PRKN: variants seen among roughly 807,000 people sequenced by gnomAD.
PRKN encodes the protein parkin RBR E3 ubiquitin protein ligase.
Under a neutral mutation model 59.5 loss-of-function variants are expected in PRKN, and 56 were observed. The ratio of observed to expected loss-of-function variants is 0.94; its 90% CI spans 0.76 to 1.18. The LOEUF (loss-of-function observed/expected upper bound fraction) is 1.18, where lower values mean the gene tolerates loss of function less well. Among genes scored for constraint, PRKN ranks in the 50% most tolerant of loss-of-function variants. PRKN has a pLI of 0.00. For synonymous variants in PRKN, 250 were observed against 222.1 expected, an observed-to-expected ratio of 1.13 and a Z score of -1.12; for missense variants, 657 against 596.4, an observed-to-expected ratio of 1.10 and a Z score of -1.06.
At position 161,484,093 on chromosome 6, in the gene PRKN, G is replaced by A. The variant is rs1791539902; in HGVS notation, c.1083+64761C>T. On this transcript the variant is annotated intron_variant, in intron 9 of 11. Coordinates refer to ENST00000366898, the MANE Select transcript of PRKN (RefSeq NM_004562.3). This position sits in a 1 kb window ranked among gnomAD's most constrained non-coding sequence, Gnocchi z 4.9. The stretch of plus-strand genomic sequence containing the variant: ...TGCTGGGCTTAATACCTAGGTGATG[G>A]GTTGATCTGTGCAGCAAAACACCAT... Among the ~76,000 whole-genome samples the A allele has an allele frequency of 6.6e-6, 1 of 152,008 alleles. No homozygotes were observed. The highest frequency in any genetic ancestry group is 6.6e-5 in the Admixed American group (1 of 15,246).
intron 2 of PRKN, among the ~76,000 whole-genome samples, chr6:162,419,254 C>G (rs1788827099): frequency 6.6e-6 from 1 of 152,038 alleles, no homozygotes; most frequent in East Asian, 1.9e-4. Flanking sequence ...GATTTCCCAT[C>G]CAGGGACAGG....
rs1423312348 is a variant in PRKN at position 161,655,866 on chromosome 6, GCACACACACACACACACATACA to G, written c.872-86472_872-86451del. On this transcript the variant is annotated intron_variant, in intron 7 of 11. Coordinates refer to ENST00000366898, the MANE Select transcript of PRKN (RefSeq NM_004562.3). ...ACCACACAGGCATATCAACACACAT[GCACACACACACACACACATACA>G]CACACACACACACACACACACACAC... Among the ~76,000 whole-genome samples the G allele has an allele frequency of 3.0e-3, 416 of 136,496 alleles. 2 individuals are homozygous for G. Among genetic ancestry groups the G allele is most frequent in the African/African-American group, 0.01 (392 of 38,042 alleles). 89.5% of individuals were successfully genotyped at this position (136,496 alleles called of 152,430 possible).
intron 2 of PRKN, among the ~76,000 whole-genome samples, chr6:162,281,273 G>C (rs1780894407): frequency 6.6e-6 from 1 of 152,052 alleles, no homozygotes; most frequent in African/African-American, 2.4e-5. Flanking sequence ...TCAGGGGGTG[G>C]GGGGCTAGGG....
chr6:162,647,364 G>C (rs1226597645), intron 1 of PRKN, among the ~76,000 whole-genome samples: 2 of 152,048 alleles, frequency 1.3e-5, no homozygotes, highest in Non-Finnish European at 2.9e-5. Flanking sequence ...AACATATTAG[G>C]TCAGATGTCA....
intron 4 of PRKN, among the ~76,000 whole-genome samples, chr6:162,095,823 G>T (rs909342774): frequency 6.6e-5 from 10 of 152,052 alleles, no homozygotes; most frequent in Non-Finnish European, 1.3e-4. Context: ...TTGAGATCTT[G>T]GACAATTTAT....
intron 5 of PRKN, among the ~76,000 whole-genome samples, chr6:162,049,904 C>G (rs1242133987): frequency 6.6e-6 from 1 of 152,088 alleles, no homozygotes; most frequent in African/African-American, 2.4e-5. Flanking sequence ...CTGCAGGAGC[C>G]CTCAACTCCA....
At chr6:161,786,750 T>C (rs567112791) in intron 6 of PRKN, among the ~76,000 whole-genome samples, 2 of 152,280 alleles carry the variant, frequency 1.3e-5, no homozygotes, top group South Asian at 4.1e-4. Flanking sequence ...AATTTAGGGA[T>C]AAAAGGTTAT....
rs1374943894 is a variant in PRKN at position 161,554,740 on chromosome 6, A to G, written c.934-5737T>C. On this transcript the variant is annotated intron_variant, in intron 8 of 11. Coordinates refer to ENST00000366898, the MANE Select transcript of PRKN (RefSeq NM_004562.3). This position sits in a 1 kb window ranked among gnomAD's most constrained non-coding sequence, Gnocchi z 4.5. Reference sequence around the variant, plus strand: ...TGTGTGTGTGTGTGTGTGTGTATATATATATATATATATACATACACACTT... The same window carrying G: ...TGTGTGTGTGTGTGTGTGTGTATATGTATATATATATATACATACACACTT... Among the ~76,000 whole-genome samples, 2 of 150,652 alleles carry G rather than the reference A, an allele frequency of 1.3e-5. No individual in the cohort carries two copies. The highest frequency in any genetic ancestry group is 4.9e-5 in the African/African-American group (2 of 41,094).
chr6:162,287,795 T>C (rs943190228), intron 2 of PRKN, among the ~76,000 whole-genome samples: 2 of 152,070 alleles, frequency 1.3e-5, no homozygotes, highest in African/African-American at 4.8e-5. Flanking sequence ...TGTGAGAAAA[T>C]TAGCTTTGAT....
At chr6:162,034,194 G>T (rs941195742) in intron 5 of PRKN, among the ~76,000 whole-genome samples, 4,499 of 146,028 alleles carry the variant, frequency 0.031, 106 homozygotes, top group African/African-American at 0.068. Flanking sequence ...TATAGAGAGA[G>T]AGAGAGAGAG....
intron 1 of PRKN, among the ~76,000 whole-genome samples, chr6:162,476,428 G>T (rs1792021338): frequency 6.6e-6 from 1 of 152,092 alleles, no homozygotes; most frequent in Admixed American, 6.6e-5. Flanking sequence ...TTAGTCTCAA[G>T]ATTTCTTTAA....
At chr6:161,568,658 T>C (rs1780745058) in intron 8 of PRKN, among the ~76,000 whole-genome samples, 2 of 152,268 alleles carry the variant, frequency 1.3e-5, no homozygotes, top group Middle Eastern at 6.8e-3. Context: ...GCCAACTCTT[T>C]AGTGTATTTT....
At chr6:161,753,402 G>T (rs932433038) in intron 7 of PRKN, among the ~76,000 whole-genome samples, 1 of 152,190 alleles carries the variant, frequency 6.6e-6, no homozygotes, top group Non-Finnish European at 1.5e-5. Context: ...ATCCCAGTGG[G>T]ATGGAGGGGA....
At chr6:161,773,464 A>G (rs561770282) in intron 7 of PRKN, among the ~76,000 whole-genome samples, 5 of 152,258 alleles carry the variant, frequency 3.3e-5, no homozygotes, top group South Asian at 2.1e-4. Flanking sequence ...TCTATCTATT[A>G]TCAATCAATC....
intron 9 of PRKN, among the ~76,000 whole-genome samples, chr6:161,534,642 T>A (rs1779347640): frequency 2.0e-5 from 3 of 152,254 alleles, no homozygotes; most frequent in Non-Finnish European, 4.4e-5. Context: ...CTGTTTCGCA[T>A]AGACATGTCT....
chr6:161,406,528 T>G (rs944852005), intron 9 of PRKN, among the ~76,000 whole-genome samples: 1 of 152,178 alleles, frequency 6.6e-6, no homozygotes. Flanking sequence ...CCCTAAGTTC[T>G]GCTTTATAAT....
At chr6:162,062,421 G>T (rs1234816228) in intron 4 of PRKN, among the ~76,000 whole-genome samples, 1 of 152,160 alleles carries the variant, frequency 6.6e-6, no homozygotes, top group African/African-American at 2.4e-5. Flanking sequence ...TATTTTGGGG[G>T]TTATGGGCTG....
At chr6:161,664,587 C>G (rs538506534) in intron 7 of PRKN, among the ~76,000 whole-genome samples, 2 of 152,060 alleles carry the variant, frequency 1.3e-5, no homozygotes, top group African/African-American at 4.8e-5. Flanking sequence ...TTTAATAGAA[C>G]AAAGTTATTC....
chr6:161,884,760 C>T (rs945870718), intron 6 of PRKN, among the ~76,000 whole-genome samples: 13 of 152,082 alleles, frequency 8.5e-5, no homozygotes, highest in Non-Finnish European at 1.8e-4. Flanking sequence ...TGAGTCTAGA[C>T]GGGTTATCCA....
Sources: allele counts gnomAD v4.1 joint callset (sites outside exome capture counted in the v4.1 genomes callset), GRCh38; gene constraint gnomAD v4.1.1; non-coding constraint Gnocchi (gnomAD v3.1); transcripts MANE v1.5; gene names NCBI Gene and HGNC (gene_info 2026-07-23, HGNC 2026-07-21).